Variants in COL14A1 observed in about 807,000 individuals in gnomAD.
COL14A1 encodes the protein collagen type XIV alpha 1 chain, also known as collagen alpha-1(XIV) chain.
COL14A1 carries 136 observed loss-of-function variants against 230.3 expected under a neutral mutation model. The observed-to-expected ratio is 0.59, with a 90% CI of 0.51 to 0.68. The LOEUF (loss-of-function observed/expected upper bound fraction) is 0.68. Among genes scored for constraint, COL14A1 ranks in the 30% least tolerant of loss-of-function variants. COL14A1 has a pLI of 0.00. For missense variants in COL14A1, 1,976 were observed against 2,215.8 expected (o/e 0.89, Z 2.17); for synonymous variants, 792 against 784.1 (o/e 1.01, Z -0.17).
At chr8:120,350,216 T>C (rs1192344917) in intron 45 of COL14A1, among the ~76,000 whole-genome samples, 1 of 152,038 alleles carries the variant, frequency 6.6e-6, no homozygotes, top group East Asian at 1.9e-4. Flanking sequence ...ATGCCTGCCC[T>C]AAAAGAGCTC....
intron 42 of COL14A1, among the ~76,000 whole-genome samples, chr8:120,333,635 TAAAACATCACA>T (rs1282847298): frequency 6.6e-6 from 1 of 152,204 alleles, no homozygotes; most frequent in Non-Finnish European, 1.5e-5. Flanking sequence ...CTCAGTGGCT[TAAAACATCACA>T]AATTTGTTAT....
chr8:120,273,106 A>G (rs1226166694), intron 26 of COL14A1, among the ~76,000 whole-genome samples: 1 of 151,848 alleles, frequency 6.6e-6, no homozygotes, highest in Non-Finnish European at 1.5e-5. Context: ...TCAGACCACA[A>G]TGGAATAAAA....
At chr8:120,244,180 G>A (rs916149759) in intron 20 of COL14A1, among the ~76,000 whole-genome samples, 172 bp downstream of exon 20, 1 of 152,182 alleles carries the variant, frequency 6.6e-6, no homozygotes, top group Non-Finnish European at 1.5e-5. Flanking sequence ...GTGACTTTGA[G>A]CAAATTGCTT....
At chr8:120,198,569 T>TA (rs35426704) in intron 7 of COL14A1, among the ~76,000 whole-genome samples, 17,764 of 152,112 alleles carry the variant, frequency 0.12, 1,175 homozygotes, top group Middle Eastern at 0.19. Context: ...AACATGATGC[T>TA]AAAAAAATGC....
At chr8:120,193,322 G>T (rs1457436708) in intron 5 of COL14A1, among the ~76,000 whole-genome samples, 1 of 152,222 alleles carries the variant, frequency 6.6e-6, no homozygotes, top group Non-Finnish European at 1.5e-5. Flanking sequence ...TCCAGACCCT[G>T]TTTGCCTGCG....
intron 42 of COL14A1, among the ~76,000 whole-genome samples, chr8:120,339,738 TA>T (rs912143477): frequency 2.8e-4 from 41 of 146,780 alleles, no homozygotes; most frequent in South Asian, 8.6e-4. Context: ...ACATCATGTT[TA>T]AAAAAAAAAA....
rs541390603 is a variant in COL14A1, at chr8:120,154,690, C to T, written c.89-3440C>T. The stretch of plus-strand genomic sequence containing the variant: ...GAAATCAAACTTTACACTTGATGTT[C>T]GTCTTTTTTAAAAGATTAGGATTTG... On this transcript the variant is annotated intron_variant, in intron 2 of 47. Transcript: ENST00000297848. Among the ~76,000 whole-genome samples the T allele has an allele frequency of 3.9e-5, 6 of 152,066 alleles. No homozygotes were observed. The South Asian group carries it at 1.0e-3, about 26-fold the overall frequency.
At chr8:120,225,798 A>G (rs1818076549) in intron 15 of COL14A1, among the ~76,000 whole-genome samples, 1 of 152,032 alleles carries the variant, frequency 6.6e-6, no homozygotes. Flanking sequence ...TTGCTTTCTG[A>G]ACTTATCATG....
At chr8:120,169,983 C>T (rs528533269) in intron 5 of COL14A1, among the ~76,000 whole-genome samples, 1 of 152,080 alleles carries the variant, frequency 6.6e-6, no homozygotes, top group East Asian at 1.9e-4. Context: ...TTTTATCATT[C>T]CAATATGTCT....
chr8:120,270,436 C>G (rs1819624861), intron 26 of COL14A1, among the ~76,000 whole-genome samples: 1 of 151,682 alleles, frequency 6.6e-6, no homozygotes, highest in Non-Finnish European at 1.5e-5. Flanking sequence ...TTTTTACATA[C>G]TAGGGTAGAA....
chr8:120,281,798 G>C (rs1053227254), intron 31 of COL14A1, among the ~76,000 whole-genome samples: 1 of 152,128 alleles, frequency 6.6e-6, no homozygotes, highest in South Asian at 2.1e-4. Flanking sequence ...AAGCTCCAGT[G>C]CTCAGATCCT....
chr8:120,168,025 T>C (rs993713117), intron 4 of COL14A1, 136 bp from the exon 5 acceptor site: 32 of 510,018 alleles, frequency 6.3e-5, no homozygotes, highest in Non-Finnish European at 1.0e-4. Context: ...AGTTCTAATA[T>C]TTGGGGATGA....
chr8:120,370,255 G>C, intron 47 of COL14A1: 2 of 1,422,862 alleles, frequency 1.4e-6, no homozygotes, highest in Non-Finnish European at 9.8e-7. Context: ...ACAGGAATTG[G>C]TCAACAAAGT....
intron 38 of COL14A1, among the ~76,000 whole-genome samples, chr8:120,314,719 T>C (rs1262433564): frequency 5.3e-5 from 8 of 152,238 alleles, no homozygotes; most frequent in Admixed American, 2.6e-4. Flanking sequence ...AAGTTTCTCC[T>C]ACAGTGTTAT....
At chr8:120,142,353 C>T (rs1394161107) in intron 1 of COL14A1, among the ~76,000 whole-genome samples, 1 of 152,184 alleles carries the variant, frequency 6.6e-6, no homozygotes, top group Non-Finnish European at 1.5e-5. Flanking sequence ...TACAGAAGAG[C>T]TGCTTATACT....
intron 5 of COL14A1, among the ~76,000 whole-genome samples, chr8:120,193,049 C>G (rs2130692647): frequency 6.6e-6 from 1 of 152,318 alleles, no homozygotes; most frequent in Middle Eastern, 3.4e-3. Flanking sequence ...CTCAACTCGT[C>G]AAAGTCATTC....
chr8:120,131,486 T>G (rs1814522975), intron 1 of COL14A1, among the ~76,000 whole-genome samples: 1 of 152,204 alleles, frequency 6.6e-6, no homozygotes, highest in South Asian at 2.1e-4. Context: ...TTTTCATGTT[T>G]GTTGGCTGCT....
intron 24 of COL14A1, among the ~76,000 whole-genome samples, chr8:120,265,844 C>A (rs1819486630): frequency 6.6e-6 from 1 of 151,822 alleles, no homozygotes; most frequent in Non-Finnish European, 1.5e-5. Context: ...TTGGAAGAGA[C>A]CTTACAGCTC....
intron 46 of COL14A1, among the ~76,000 whole-genome samples, chr8:120,367,765 A>G (rs1175533576): frequency 6.9e-6 from 1 of 144,550 alleles, no homozygotes; most frequent in Non-Finnish European, 1.5e-5. Flanking sequence ...ACGAAACCCC[A>G]TTTCTACCAA....
Sources: allele counts gnomAD v4.1 joint callset (sites outside exome capture counted in the v4.1 genomes callset), GRCh38; gene constraint gnomAD v4.1.1; transcripts MANE v1.5; gene names NCBI Gene and HGNC (gene_info 2026-07-23, HGNC 2026-07-21).